The following CPZ variants were observed in gnomAD, a reference collection of about 807,000 sequenced individuals.
CPZ encodes carboxypeptidase Z, also known as VEZT/CPZ fusion.
Under a neutral mutation model 61.8 loss-of-function variants are expected in CPZ, and 103 were observed. That is an observed-to-expected ratio of 1.67 (90% CI 1.42 to 1.96). The LOEUF is 1.96. Among genes scored for constraint, CPZ ranks in the 30% most tolerant of loss-of-function variants. The pLI is 0.00. For synonymous variants in CPZ, 551 were observed against 373.7 expected (o/e 1.47, Z -5.47); for missense variants, 1,461 against 914.9 (o/e 1.60, Z -7.70).
At chr4:8,607,126 G>T in intron 6 of CPZ, 141 bp from the exon 7 acceptor site, 1 of 1,128,968 alleles carries the variant, frequency 8.9e-7, no homozygotes, top group South Asian at 1.6e-5. Flanking sequence ...AGTGATGGGG[G>T]CCGAGTCCAG....
chr4:8,619,118 G>A (rs1716460685), intron 10 of CPZ, 144 bp from the exon 11 acceptor site: 2 of 669,534 alleles, frequency 3.0e-6, no homozygotes, highest in East Asian at 5.7e-5. Flanking sequence ...GGGTGGGAAG[G>A]ACGTTCCAGG....
At chr4:8,596,730 C>G (rs1714210984) in intron 1 of CPZ, among the ~76,000 whole-genome samples, 1 of 152,182 alleles carries the variant, frequency 6.6e-6, no homozygotes, top group Non-Finnish European at 1.5e-5. Flanking sequence ...GTGCCCTCAT[C>G]TGTGAACAAG....
chr4:8,596,959 T>C (rs1316685161), intron 1 of CPZ, among the ~76,000 whole-genome samples: 1 of 152,206 alleles, frequency 6.6e-6, no homozygotes, highest in East Asian at 1.9e-4. Context: ...AAGTTCCAGG[T>C]TCACCCAAGC....
intron 1 of CPZ, among the ~76,000 whole-genome samples, chr4:8,594,440 T>G (rs1021359573): frequency 2.0e-5 from 3 of 152,200 alleles, no homozygotes; most frequent in Non-Finnish European, 4.4e-5. Context: ...GTAATTTTCA[T>G]GTCCTAGGGT....
At chr4:8,616,846 GT>G (rs1716214159) in intron 9 of CPZ, among the ~76,000 whole-genome samples, 1 of 152,246 alleles carries the variant, frequency 6.6e-6, no homozygotes, top group African/African-American at 2.4e-5. Flanking sequence ...GCAGCGAAGT[GT>G]GGACAAGAGC....
Position 8,609,308 on chromosome 4 carries a change from C to G in CPZ, c.1227+1883C>G, listed in dbSNP as rs1198800693. On this transcript the variant is annotated intron_variant, in intron 7 of 10. Transcript: ENST00000360986. ...ATTTTCTCAGTCATTCATCCATTCA[C>G]TCATGCACTTATTCACTCACTTTTT... Among the ~76,000 whole-genome samples, 3 of 125,620 alleles carry G rather than the reference C, an allele frequency of 2.4e-5. No individual in the cohort carries two copies. The East Asian group carries it at 7.3e-4, about 31-fold the overall frequency. The allele number at this position is 125,620 out of a possible 152,430, so 82.4% of individuals were successfully genotyped here.
chr4:8,614,468 CAAG>C lies in CPZ; in HGVS notation c.1474_1476del (p.Lys492del). The stretch of plus-strand genomic sequence containing the variant: ...CCCTGTACATACTCTGGCAGCACAA[CAAG>C]GAGTCACTCCTGAATTTCGTGGAGA... On this transcript the variant is annotated inframe_deletion, in exon 9 of 11. Coordinates refer to ENST00000360986, the MANE Select transcript of CPZ (RefSeq NM_001014447.3). 1 of 1,613,918 alleles carries C rather than the reference CAAG, an allele frequency of 6.2e-7. No individual in the cohort carries two copies. Among genetic ancestry groups the C allele is most frequent in the South Asian group, 1.1e-5 (1 of 91,054 alleles).
At chr4:8,616,602 G>A (rs983410075) in intron 9 of CPZ, among the ~76,000 whole-genome samples, 1 of 152,148 alleles carries the variant, frequency 6.6e-6, no homozygotes, top group Non-Finnish European at 1.5e-5. Context: ...TTGAAGGGAG[G>A]GAAGGAATCG....
chr4:8,593,359 G>A (rs1713940746), intron 1 of CPZ, among the ~76,000 whole-genome samples: 1 of 152,192 alleles, frequency 6.6e-6, no homozygotes, highest in Non-Finnish European at 1.5e-5. Context: ...CCCAGCTGGG[G>A]CTGTGATGTG....
intron 9 of CPZ, among the ~76,000 whole-genome samples, chr4:8,617,010 C>T (rs1184358265): frequency 1.3e-5 from 2 of 152,176 alleles, no homozygotes; most frequent in African/African-American, 4.8e-5. Flanking sequence ...GAGATAAGTG[C>T]TAGCATGTGC....
chr4:8,618,614 A>C, intron 10 of CPZ, 86 bp downstream of exon 10: 4 of 1,256,596 alleles, frequency 3.2e-6, no homozygotes, highest in Non-Finnish European at 4.5e-6. Context: ...AGGCACTCAC[A>C]GTGTGCCCAG....
At chr4:8,601,000 C>T in intron 2 of CPZ, 123 bp from the exon 3 acceptor site, 8 of 1,425,956 alleles carry the variant, frequency 5.6e-6, no homozygotes, top group Non-Finnish European at 7.3e-6. Flanking sequence ...TCCTCCCCTG[C>T]CAGACCGTGG....
Position 8,612,164 on chromosome 4 carries a change from T to A in CPZ, c.1363+2T>A. 2 of 1,044,036 alleles carry A rather than the reference T, an allele frequency of 1.9e-6. No individual in the cohort carries two copies. The highest frequency in any genetic ancestry group is 2.4e-6 in the Non-Finnish European group (2 of 832,822). 64.7% of individuals were successfully genotyped at this position (1,044,036 alleles called of 1,614,324 possible). On this transcript the variant is annotated splice_donor_variant, in intron 8 of 10. Coordinates refer to ENST00000360986, the MANE Select transcript of CPZ (RefSeq NM_001014447.3). LOFTEE classifies it high-confidence loss of function. ...CGGACTGGTACAGCTTCACGGGAGG[T>A]GCGGCTTCCGCAGGGCGGGACTGGG...
chr4:8,592,888 C>A lies in CPZ; in HGVS notation c.55C>A (p.Arg19=), dbSNP rs890113472. The A allele has an allele frequency of 2.0e-6, 3 of 1,534,572 alleles. No homozygotes were observed. Among genetic ancestry groups the A allele is most frequent in the South Asian group, 2.4e-5 (2 of 83,588 alleles). ...TACAGTCCTGGTCGTCGCCGCTGCCCGGCCGGGGTGCGAGTTTGAGCGGAA... is the reference window on the plus strand; with the variant it reads ...TACAGTCCTGGTCGTCGCCGCTGCCAGGCCGGGGTGCGAGTTTGAGCGGAA... ...LLTVLVVAAA[R]PGCEFERNPA... The change falls in exon 1 of 11, where the codon CGG becomes AGG. Residue 19 remains arginine, a synonymous_variant. Coordinates refer to ENST00000360986, the MANE Select transcript of CPZ (RefSeq NM_001014447.3).
In CPZ at chr4:8,606,012, G is replaced by C; in HGVS notation, c.733G>C (p.Gly245Arg). The C allele has an allele frequency of 6.2e-7, 1 of 1,613,790 alleles. No homozygotes were observed. Among genetic ancestry groups the C allele is most frequent in the Non-Finnish European group, 8.5e-7 (1 of 1,179,706 alleles). Residue 245 changes from glycine to arginine, a missense_variant, in exon 5 of 11, where the codon GGC becomes CGC. By Grantham distance (125) the Gly-to-Arg change is moderately radical. Transcript: ENST00000360986. ...ELMEPEVKLI[G>R]NIHGNEVAGR... ...AGTGGAGCCCGAGGTGAAGCTCATC[G>C]GCAACATTCATGGCAACGAGGTGGC... is the stretch of plus-strand genomic sequence containing the variant.
chr4:8,603,996 G>T lies in CPZ; in HGVS notation c.517G>T (p.Ala173Ser). ...KLRGGLEADEALPSGLPPTFI... is the reference protein window; with the variant it reads ...KLRGGLEADESLPSGLPPTFI... ...CCCAGGAGGCCTGGAGGCTGACGAG[G>T]CACTGCCCTCAGGGCTGCCGCCCAC... Residue 173 changes from alanine to serine, a missense_variant, in exon 4 of 11, where the codon GCA becomes TCA. Coordinates refer to ENST00000360986, the MANE Select transcript of CPZ (RefSeq NM_001014447.3). 1.2e-6 allele frequency: 2 copies of T among 1,612,066 alleles called. No homozygotes were observed. Among genetic ancestry groups the T allele is most frequent in the South Asian group, 1.1e-5 (1 of 91,076 alleles).
At position 8,618,438 on chromosome 4, in the gene CPZ, G is replaced by A; in HGVS notation, c.1513G>A (p.Gly505Ser). Residue 505 changes from glycine (G) to serine (S), a missense_variant, in exon 10 of 11, where the codon GGC (glycine) becomes AGC (serine). Transcript: ENST00000360986. ...CCCTTGGTCTCTTCAGGTGCACCGG[G>A]GCATCAAAGGTGTGGTGACAGATAA... ...LLNFVETVHRGIKGVVTDKFG... is the reference protein window; with the variant it reads ...LLNFVETVHRSIKGVVTDKFG... 1 of 1,614,166 alleles carries A rather than the reference G, an allele frequency of 6.2e-7. No homozygotes were observed.
intron 8 of CPZ, among the ~76,000 whole-genome samples, chr4:8,612,559 G>T (rs1193390682): frequency 6.6e-6 from 1 of 152,212 alleles, no homozygotes; most frequent in Non-Finnish European, 1.5e-5. Flanking sequence ...TCCAATGCGT[G>T]GGATATGCTT....
At chr4:8,606,448 G>A (rs1387680249) in intron 5 of CPZ, among the ~76,000 whole-genome samples, 1 of 152,100 alleles carries the variant, frequency 6.6e-6, no homozygotes, top group African/African-American at 2.4e-5. Flanking sequence ...GTGTGTCAGC[G>A]GGGGGTCAGG....
Sources: allele counts gnomAD v4.1 joint callset (sites outside exome capture counted in the v4.1 genomes callset), GRCh38; gene constraint gnomAD v4.1.1; transcripts MANE v1.5; gene names NCBI Gene and HGNC (gene_info 2026-07-23, HGNC 2026-07-21).